Variants in TUBB8B observed in about 807,000 individuals in gnomAD.
TUBB8B encodes HSA18p11 beta-tubulin 4Q pseudogene.
In TUBB8B, 26 loss-of-function variants were observed where a neutral mutation model predicts 31.9. The ratio of observed to expected loss-of-function variants is 0.81; its 90% confidence interval spans 0.60 to 1.13. The LOEUF is 1.13. Among genes scored for constraint, TUBB8B ranks in the 50% most tolerant of loss-of-function variants. The pLI, the probability that TUBB8B is intolerant of heterozygous loss-of-function variation, is 0.00. For synonymous variants in TUBB8B, 173 were observed against 231.0 expected, an observed-to-expected ratio of 0.75 and a Z score of 2.28; for missense variants, 467 against 586.7, an observed-to-expected ratio of 0.80 and a Z score of 2.11.
At chr18:63,746 C>T in the TUBB8B span, among the ~76,000 whole-genome samples, 13 of 145,424 alleles carry the variant, frequency 8.9e-5, no homozygotes, top group African/African-American at 3.4e-4. Context: ...AACTCTAACC[C>T]TAACCCTAGC....
At position 48,190 on chromosome 18, in the gene TUBB8B, CGGTGTCCG is replaced by C. The variant is rs1905797078; in HGVS notation, c.527_534del (p.Ser176CysfsTer20). On this transcript the variant is annotated frameshift_variant, in exon 4 of 4. Coordinates refer to ENST00000308911, the MANE Select transcript of TUBB8B (RefSeq NM_001358689.2). LOFTEE classifies it high-confidence loss of function. The stretch of plus-strand genomic sequence containing the variant: ...AGGGTGGCGTTGTAGGGCTCCACCA[CGGTGTCCG>C]ACACCTTGGGCGAGGGCAGGATGCT... 6.9e-7 allele frequency: 1 copy of C among 1,441,622 alleles called. No homozygotes were observed. The highest frequency in any genetic ancestry group is 1.4e-5 in the African/African-American group (1 of 72,754). The allele number at this position is 1,441,622 out of a possible 1,614,324, so 89.3% of individuals were successfully genotyped here. A position where few individuals can be genotyped will look rare whatever the true frequency, so the allele number is the denominator to read the frequency against.
At chr18:68,389 A>G in the TUBB8B span, among the ~76,000 whole-genome samples, 912 of 152,248 alleles carry the variant, frequency 6.0e-3, 6 homozygotes, top group Non-Finnish European at 9.9e-3. Flanking sequence ...CCACAGACCC[A>G]TTTCACTTCA....
chr18:52,712 C>G (rs1222269460), upstream of TUBB8B, among the ~76,000 whole-genome samples: 2 of 151,868 alleles, frequency 1.3e-5, no homozygotes, highest in Non-Finnish European at 2.9e-5. Flanking sequence ...TGATACAGAC[C>G]ACAAAGTAGG....
chr18:50,967 C>T (rs1295507070), upstream of TUBB8B, among the ~76,000 whole-genome samples: 7 of 149,640 alleles, frequency 4.7e-5, no homozygotes, highest in African/African-American at 1.5e-4. Flanking sequence ...AGTCCCCACC[C>T]ATTCCAAATT....
rs754751195 is a variant in TUBB8B, at chr18:48,419, G to A, written c.306C>T (p.Ala102=). The change falls in exon 4 of 4, where the codon GCC becomes GCT. Residue 102 remains alanine (A), a synonymous_variant. Transcript: ENST00000308911. ...CCGCGCCTTCTGTGTAGCGTCCCTT[G>A]GCCCAGTTGTTTCCGGCCCCACACT... ...SGQCGAGNNW[A]KGRYTEGAEL... The A allele has an allele frequency of 1.2e-5, 19 of 1,611,754 alleles. No individual in the cohort carries two copies. The highest frequency in any genetic ancestry group is 2.7e-5 in the African/African-American group (2 of 74,958).
At chr18:58,940 T>G in the TUBB8B span, among the ~76,000 whole-genome samples, 2 of 151,930 alleles carry the variant, frequency 1.3e-5, no homozygotes, top group East Asian at 3.9e-4. Context: ...AGCAGAATCT[T>G]GCACATCATA....
At chr18:69,855 T>C in the TUBB8B span, among the ~76,000 whole-genome samples, 1 of 152,162 alleles carries the variant, frequency 6.6e-6, no homozygotes, top group African/African-American at 2.4e-5. Context: ...AAATTAGAAG[T>C]CAAATAAGAG....
chr18:57,915 AC>A, the TUBB8B span, among the ~76,000 whole-genome samples: 172 of 151,952 alleles, frequency 1.1e-3, 4 homozygotes, highest in Non-Finnish European at 1.9e-3. Context: ...TATGGCTTGC[AC>A]CCTCTGAAGC....
upstream of TUBB8B, among the ~76,000 whole-genome samples, chr18:51,154 C>T (rs1906087872): frequency 6.7e-6 from 1 of 149,596 alleles, no homozygotes; most frequent in African/African-American, 2.5e-5. Context: ...GCATATCTAG[C>T]CCTCCTGTTT....
In TUBB8B at chr18:49,113, A is replaced by T; in HGVS notation, c.166+16T>A. 1 of 1,512,612 alleles carries T rather than the reference A, an allele frequency of 6.6e-7. No homozygotes were observed. The highest frequency in any genetic ancestry group is 1.1e-5 in the South Asian group (1 of 88,302). 93.7% of individuals were successfully genotyped at this position (1,512,612 alleles called of 1,614,324 possible). On this transcript the variant is annotated intron_variant, in intron 2 of 3. Coordinates refer to ENST00000308911, the MANE Select transcript of TUBB8B (RefSeq NM_001358689.2). ...GCGTTCCCAGGAGGGCGGTGGGAGA[A>T]GGACGGGGGTCGCACCGCTGGCCTC...
the TUBB8B span, among the ~76,000 whole-genome samples, chr18:60,261 T>C: frequency 2.4e-4 from 36 of 151,956 alleles, 1 homozygote; most frequent in East Asian, 6.4e-3. Flanking sequence ...TTCTAATTTG[T>C]TGGCATACAA....
Position 48,354 on chromosome 18 carries a change from G to C in TUBB8B, c.371C>G (p.Ala124Gly), listed in dbSNP as rs1204415659. The C allele has an allele frequency of 1.2e-6, 2 of 1,611,202 alleles. No homozygotes were observed. The highest frequency in any genetic ancestry group is 2.2e-5 in the South Asian group (2 of 91,008). ...ESVMDVVRKE[A>G]ESCDCLQGFQ... ...ACCCTGCAGGCAGTCACAGCTCTCAGCCTCCTTTCTGACAACGTCCATCAC... is the reference window on the plus strand; with the variant it reads ...ACCCTGCAGGCAGTCACAGCTCTCACCCTCCTTTCTGACAACGTCCATCAC... Residue 124 changes from alanine to glycine, a missense_variant, in exon 4 of 4, where the codon GCT becomes GGT. Ala to Gly is a moderately conservative substitution (Grantham distance 60). Around this residue, in one of 2 missense-constraint regions of TUBB8B, gnomAD observed 259 missense variants for 380.1 expected, o/e 0.68. Transcript: ENST00000308911.
rs1905682503 is a variant in TUBB8B, at chr18:47,587, A to G, written c.1138T>C (p.Cys380Arg). The G allele has an allele frequency of 3.0e-6, 4 of 1,345,638 alleles. No individual in the cohort carries two copies. In the East Asian group the frequency reaches 9.1e-5, roughly 31 times the overall value. The allele number at this position is 1,345,638 out of a possible 1,614,324, so 83.4% of individuals were successfully genotyped here. ...ATTGCTGTAAACTGCTCTGAGACAC[A>G]TGTGAAGAGTTCCTGGATGGCCGCA... is the stretch of plus-strand genomic sequence containing the variant. ...NNAAIQELFTCVSEQFTAMFR... is the reference protein window; with the variant it reads ...NNAAIQELFTRVSEQFTAMFR... The change falls in exon 4 of 4, where the codon TGT (cysteine) becomes CGT (arginine). Residue 380 changes from cysteine to arginine, a missense_variant. By Grantham distance (180) the Cys-to-Arg change is radical. Coordinates refer to ENST00000308911, the MANE Select transcript of TUBB8B (RefSeq NM_001358689.2).
At position 48,189 on chromosome 18, in the gene TUBB8B, A is replaced by T. The variant is rs1201063266; in HGVS notation, c.536T>A (p.Val179Glu). 5.0e-6 allele frequency: 8 copies of T among 1,609,972 alleles called. No individual in the cohort carries two copies. In the African/African-American group the frequency reaches 8.0e-5, roughly 16 times the overall value. The change falls in exon 4 of 4, where the codon GTG becomes GAG. Residue 179 changes from valine to glutamate, a missense_variant. Physicochemically the swap from Val to Glu is moderately radical, Grantham distance 121. Around this residue, in one of 2 missense-constraint regions of TUBB8B, gnomAD observed 259 missense variants for 380.1 expected, o/e 0.68. Coordinates refer to ENST00000308911, the MANE Select transcript of TUBB8B (RefSeq NM_001358689.2). ...ILPSPKVSDT[V>E]VEPYNATLSV... ...GAGGGTGGCGTTGTAGGGCTCCACC[A>T]CGGTGTCCGACACCTTGGGCGAGGG... is the stretch of plus-strand genomic sequence containing the variant.
upstream of TUBB8B, among the ~76,000 whole-genome samples, chr18:51,269 A>G (rs1906093676): frequency 6.6e-6 from 1 of 151,786 alleles, no homozygotes; most frequent in East Asian, 1.9e-4. Context: ...TTGTTTCATA[A>G]CCTGTGACAT....
At chr18:56,237 G>A in the TUBB8B span, among the ~76,000 whole-genome samples, 1 of 151,646 alleles carries the variant, frequency 6.6e-6, no homozygotes, top group Non-Finnish European at 1.5e-5. Context: ...TAGCTTGATA[G>A]TACAATTTAA....
chr18:68,605 C>CT, the TUBB8B span, among the ~76,000 whole-genome samples: 1 of 152,176 alleles, frequency 6.6e-6, no homozygotes, highest in Non-Finnish European at 1.5e-5. Flanking sequence ...CTCAGTGCAA[C>CT]CCACCAGAAA....
the TUBB8B span, among the ~76,000 whole-genome samples, chr18:57,178 A>G: frequency 6.6e-6 from 1 of 151,760 alleles, no homozygotes; most frequent in Non-Finnish European, 1.5e-5. Flanking sequence ...TCAAAATACA[A>G]TCATGACATC....
At chr18:49,418 G>C (rs939082261) in intron 1 of TUBB8B, 83 bp downstream of exon 1, 7 of 880,808 alleles carry the variant, frequency 7.9e-6, no homozygotes, top group Non-Finnish European at 1.8e-6. Context: ...CCGCAATGCA[G>C]GGGCACCGCT....
Sources: allele counts gnomAD v4.1 joint callset (sites outside exome capture counted in the v4.1 genomes callset), GRCh38; gene constraint gnomAD v4.1.1; regional missense constraint gnomAD v4.1.1; transcripts MANE v1.5; gene names NCBI Gene and HGNC (gene_info 2026-07-23, HGNC 2026-07-21).